The following SLC25A21 variants were observed in gnomAD, a reference collection of about 807,000 sequenced individuals.
SLC25A21 encodes the protein solute carrier family 25 member 21.
SLC25A21 carries 47 observed loss-of-function variants against 43.8 expected under a neutral mutation model. The observed-to-expected ratio is 1.07, with a 90% CI of 0.85 to 1.37. The LOEUF (loss-of-function observed/expected upper bound fraction) is 1.37, where lower values mean the gene tolerates loss of function less well. Ranked by LOEUF, SLC25A21 falls within the 40% of genes most tolerant of loss-of-function variation. The pLI is 0.00. For synonymous variants in SLC25A21, 131 were observed against 121.3 expected, an observed-to-expected ratio of 1.08 and a Z score of -0.52; for missense variants, 352 against 350.2, an observed-to-expected ratio of 1.00 and a Z score of -0.04.
At chr14:37,139,208 G>A (rs1286899273) in intron 1 of SLC25A21, among the ~76,000 whole-genome samples, 1 of 152,022 alleles carries the variant, frequency 6.6e-6, no homozygotes, top group African/African-American at 2.4e-5. Flanking sequence ...CTAAACATCT[G>A]TCTCCAATAT....
chr14:37,155,508 A>C (rs2138940826), intron 1 of SLC25A21, among the ~76,000 whole-genome samples: 1 of 152,336 alleles, frequency 6.6e-6, no homozygotes, highest in Non-Finnish European at 1.5e-5. Flanking sequence ...TCTAAAGTCA[A>C]AGATAAAAAG....
chr14:36,815,439 T>C (rs528193141), intron 2 of SLC25A21, among the ~76,000 whole-genome samples: 1 of 152,140 alleles, frequency 6.6e-6, no homozygotes, highest in South Asian at 2.1e-4. Flanking sequence ...AGAGGTGGGG[T>C]TGTATATTGA....
intron 3 of SLC25A21, among the ~76,000 whole-genome samples, chr14:36,737,234 T>C (rs1191789286): frequency 6.6e-6 from 1 of 152,168 alleles, no homozygotes; most frequent in African/African-American, 2.4e-5. Flanking sequence ...ACTAAAGTCT[T>C]CTAAGTACAC....
At chr14:36,816,256 G>A (rs1482476313) in intron 2 of SLC25A21, among the ~76,000 whole-genome samples, 2 of 152,162 alleles carry the variant, frequency 1.3e-5, no homozygotes, top group Non-Finnish European at 2.9e-5. Context: ...TGGGAGTTCA[G>A]TCTTCCAGCA....
chr14:37,008,793 CT>C (rs1960665862), intron 1 of SLC25A21, among the ~76,000 whole-genome samples: 1 of 152,020 alleles, frequency 6.6e-6, no homozygotes, highest in Admixed American at 6.6e-5. Flanking sequence ...TCTCAATGAT[CT>C]TATAGTGAAG....
At chr14:37,074,757 C>T (rs73260392) in intron 1 of SLC25A21, among the ~76,000 whole-genome samples, 6,746 of 152,000 alleles carry the variant, frequency 0.044, 495 homozygotes, top group African/African-American at 0.15. Context: ...TGCTGGAACC[C>T]GAGAGGCAGA....
chr14:36,680,190 T>G lies in SLC25A21; in HGVS notation c.*468A>C. 1.2e-6 allele frequency: 1 copy of G among 835,802 alleles called. No homozygotes were observed. Among genetic ancestry groups the G allele is most frequent in the Non-Finnish European group, 1.4e-6 (1 of 694,216 alleles). 51.8% of individuals were successfully genotyped at this position (835,802 alleles called of 1,614,324 possible). On this transcript the variant is annotated 3_prime_UTR_variant, in exon 10 of 10. Transcript: ENST00000331299. ...TGCTCTTTAAATATTATTTATGGAA[T>G]AATTTAATTCATTATAAAAACTGCT...
chr14:37,055,153 T>C (rs540875365), intron 1 of SLC25A21, among the ~76,000 whole-genome samples: 53 of 152,214 alleles, frequency 3.5e-4, no homozygotes, highest in Non-Finnish European at 1.8e-4. Flanking sequence ...GAGAATTATC[T>C]AATTCATAGG....
chr14:36,921,004 T>C (rs1269255801), intron 1 of SLC25A21, among the ~76,000 whole-genome samples: 1 of 152,188 alleles, frequency 6.6e-6, no homozygotes, highest in East Asian at 1.9e-4. Flanking sequence ...ATTACACTGA[T>C]AACTATTGAT....
chr14:36,776,851 C>T (rs1309067331), intron 3 of SLC25A21, among the ~76,000 whole-genome samples: 1 of 152,192 alleles, frequency 6.6e-6, no homozygotes, highest in Non-Finnish European at 1.5e-5. Flanking sequence ...CTTCACACAT[C>T]CTGTCTCAGA....
At chr14:36,895,623 T>C (rs1472125726) in intron 1 of SLC25A21, among the ~76,000 whole-genome samples, 2 of 152,194 alleles carry the variant, frequency 1.3e-5, no homozygotes, top group African/African-American at 4.8e-5. Context: ...TTCTCTTAAT[T>C]GTGATGTTAG....
At chr14:37,010,799 C>G (rs1960714010) in intron 1 of SLC25A21, among the ~76,000 whole-genome samples, 1 of 152,086 alleles carries the variant, frequency 6.6e-6, no homozygotes, top group African/African-American at 2.4e-5. Flanking sequence ...GGCTGGAGTG[C>G]AGTGGTGTAA....
At chr14:36,878,942 C>T (rs1154123) in intron 1 of SLC25A21, among the ~76,000 whole-genome samples, 130,653 of 152,074 alleles carry the variant, frequency 0.86, 56,815 homozygotes, top group Non-Finnish European at 0.93. Flanking sequence ...ATAGTAACAC[C>T]TTCTCTGGGG....
chr14:36,800,181 C>T (rs1454421862), intron 3 of SLC25A21, among the ~76,000 whole-genome samples: 2 of 152,022 alleles, frequency 1.3e-5, no homozygotes, highest in African/African-American at 4.8e-5. Context: ...CTCTGTTAAA[C>T]ATAGAATTAT....
chr14:36,759,391 G>A (rs905993692), intron 3 of SLC25A21, among the ~76,000 whole-genome samples: 20 of 151,964 alleles, frequency 1.3e-4, no homozygotes, highest in Admixed American at 9.2e-4. Flanking sequence ...TATCATCTCC[G>A]TTTTGTCGTT....
intron 7 of SLC25A21, among the ~76,000 whole-genome samples, chr14:36,709,743 T>G (rs916810082): frequency 6.6e-6 from 1 of 152,046 alleles, no homozygotes; most frequent in African/African-American, 2.4e-5. Context: ...ATATAGGGGA[T>G]AGCTGGGCAA....
At chr14:36,990,806 G>A (rs527872005) in intron 1 of SLC25A21, among the ~76,000 whole-genome samples, 5 of 152,052 alleles carry the variant, frequency 3.3e-5, no homozygotes, top group South Asian at 2.1e-4. Context: ...GCTTGAGCCC[G>A]GGAGGTCGAG....
At chr14:37,155,789 T>C (rs1026943308) in intron 1 of SLC25A21, among the ~76,000 whole-genome samples, 1 of 152,288 alleles carries the variant, frequency 6.6e-6, no homozygotes, top group Admixed American at 6.5e-5. Context: ...TTATTACCAT[T>C]AGATTGGACC....
chr14:37,084,986 T>G lies in SLC25A21; in HGVS notation c.70+87295A>C, dbSNP rs1359643604. On this transcript the variant is annotated intron_variant, in intron 1 of 9. Transcript: ENST00000331299. ...TTTGTAACTGGCATGATAATACACATGAGGTTCAATAAATTCTTTTTTCAT... is the reference window on the plus strand; with the variant it reads ...TTTGTAACTGGCATGATAATACACAGGAGGTTCAATAAATTCTTTTTTCAT... Among the ~76,000 whole-genome samples the G allele has an allele frequency of 2.0e-5, 3 of 152,342 alleles. No individual in the cohort carries two copies. In the East Asian group the frequency reaches 5.8e-4, roughly 29 times the overall value.
Sources: allele counts gnomAD v4.1 joint callset (sites outside exome capture counted in the v4.1 genomes callset), GRCh38; gene constraint gnomAD v4.1.1; transcripts MANE v1.5; gene names NCBI Gene and HGNC (gene_info 2026-07-23, HGNC 2026-07-21).